The following CPED1 variants were observed in gnomAD, a reference collection of about 807,000 sequenced individuals.
CPED1 encodes cadherin-like and PC-esterase domain-containing protein 1.
Under a neutral mutation model 128.2 loss-of-function variants are expected in CPED1, and 114 were observed. The ratio of observed to expected loss-of-function variants is 0.89; its 90% confidence interval spans 0.76 to 1.04. The LOEUF is 1.04. Ranked by LOEUF, CPED1 falls within the 50% of genes least tolerant of loss-of-function variation. CPED1 has a pLI of 0.00. For missense variants in CPED1, 1,211 were observed against 1,207.1 expected (o/e 1.00, Z -0.05); for synonymous variants, 462 against 426.7 (o/e 1.08, Z -1.02).
intron 16 of CPED1, among the ~76,000 whole-genome samples, chr7:121,201,045 G>C (rs2116563423): frequency 6.6e-6 from 1 of 152,200 alleles, no homozygotes; most frequent in African/African-American, 2.4e-5. Context: ...ACATGTGTGG[G>C]TGTTTCTGCC....
chr7:121,086,498 A>C (rs1490049377), intron 5 of CPED1, among the ~76,000 whole-genome samples: 1 of 152,196 alleles, frequency 6.6e-6, no homozygotes, highest in Non-Finnish European at 1.5e-5. Context: ...AAGTATACAA[A>C]CTGGAAAGAA....
At chr7:121,172,211 C>T (rs189623832) in intron 16 of CPED1, among the ~76,000 whole-genome samples, 3 of 152,146 alleles carry the variant, frequency 2.0e-5, no homozygotes, top group African/African-American at 4.8e-5. Flanking sequence ...AGGTAGTAAT[C>T]GGTATCTTAT....
rs201719048 is a variant in CPED1, at chr7:121,223,925, A to AT, written c.2056-12779dup. 5.1e-3 allele frequency among the ~76,000 whole-genome samples: 753 copies of AT among 146,280 alleles called. 7 individuals carry two copies. The highest frequency in any genetic ancestry group is 0.015 in the African/African-American group (617 of 39,906). ...AAAAAAACAGCTTCTGGATTCATTG[A>AT]TTTTTTTTTTGAAGGAATTTTTGTG... On this transcript the variant is annotated intron_variant, in intron 16 of 22. Transcript: ENST00000310396.
At chr7:121,278,984 G>A (rs1335728797) in intron 22 of CPED1, among the ~76,000 whole-genome samples, 2 of 152,104 alleles carry the variant, frequency 1.3e-5, no homozygotes, top group Non-Finnish European at 2.9e-5. Flanking sequence ...AAACCCCCAT[G>A]TCAGGGAGTT....
intron 3 of CPED1, among the ~76,000 whole-genome samples, chr7:121,017,466 ATTTC>A (rs1407569848): frequency 1.3e-5 from 2 of 152,164 alleles, no homozygotes; most frequent in Non-Finnish European, 2.9e-5. Flanking sequence ...AATGTTTAAT[ATTTC>A]TTTCATTCAA....
At chr7:121,018,164 A>G (rs1419497479) in intron 3 of CPED1, among the ~76,000 whole-genome samples, 2 of 152,158 alleles carry the variant, frequency 1.3e-5, no homozygotes, top group Non-Finnish European at 2.9e-5. Context: ...AGTTGTGACT[A>G]TAATCTAACA....
rs1215029922 is a variant in CPED1 at position 121,244,150 on chromosome 7, C to A, written c.2174-52C>A. The A allele has an allele frequency of 2.9e-5, 46 of 1,611,160 alleles. No individual in the cohort carries two copies. In the East Asian group the frequency reaches 1.0e-3, roughly 36 times the overall value. On this transcript the variant is annotated intron_variant, in intron 17 of 22. Transcript: ENST00000310396. The stretch of plus-strand genomic sequence containing the variant: ...CATAGCTGAATTTTAAAGTTACTTA[C>A]AAACTTCACCAGCAGAAACAGAACC...
chr7:121,093,340 C>T (rs992160622), intron 5 of CPED1, among the ~76,000 whole-genome samples: 1 of 151,526 alleles, frequency 6.6e-6, no homozygotes, highest in Non-Finnish European at 1.5e-5. Flanking sequence ...CTATCCCTTG[C>T]TGCCACATCT....
In CPED1 at chr7:121,124,406, G is replaced by T; in HGVS notation, c.994G>T (p.Gly332Cys). ...QAFDIMKEAI[G>C]KLLLAAEVFS... ...TTTTGACATTATGAAGGAAGCAATT[G>T]GCAAACTACTGCTAGCGGCTGAAGT... Residue 332 changes from glycine to cysteine, a missense_variant, in exon 8 of 23, where the codon GGC becomes TGC. By Grantham distance (159) the Gly-to-Cys change is radical (BLOSUM62 -3). Transcript: ENST00000310396. 1 of 1,607,668 alleles carries T rather than the reference G, an allele frequency of 6.2e-7. No individual in the cohort carries two copies. Among genetic ancestry groups the T allele is most frequent in the Non-Finnish European group, 8.5e-7 (1 of 1,176,230 alleles).
At chr7:121,248,292 A>G (rs550422461) in intron 18 of CPED1, among the ~76,000 whole-genome samples, 1 of 152,280 alleles carries the variant, frequency 6.6e-6, no homozygotes, top group African/African-American at 2.4e-5. Flanking sequence ...AATGTGGCCT[A>G]TCTCCTTGCC....
At chr7:121,069,814 A>T (rs754618410) in intron 5 of CPED1, among the ~76,000 whole-genome samples, 2 of 152,186 alleles carry the variant, frequency 1.3e-5, no homozygotes. Flanking sequence ...AAAACAAAAC[A>T]TAAGAGAACT....
At chr7:121,196,917 A>G (rs1442273752) in intron 16 of CPED1, among the ~76,000 whole-genome samples, 1 of 152,038 alleles carries the variant, frequency 6.6e-6, no homozygotes, top group Middle Eastern at 3.2e-3. Flanking sequence ...AAAAAACACC[A>G]TTTGGTTGCC....
intron 3 of CPED1, among the ~76,000 whole-genome samples, chr7:121,016,660 TC>T (rs1792309453): frequency 6.6e-6 from 1 of 152,228 alleles, no homozygotes; most frequent in South Asian, 2.1e-4. Flanking sequence ...ACTCTCACTT[TC>T]TCTGCTCTGG....
intron 4 of CPED1, chr7:121,051,064 G>A: frequency 1.9e-6 from 1 of 531,304 alleles, no homozygotes; most frequent in East Asian, 5.2e-5. Context: ...GCAAACAAAA[G>A]GGAAAAGGAG....
chr7:121,007,210 TTGCGAAAC>T (rs1213111310), intron 2 of CPED1, among the ~76,000 whole-genome samples: 2 of 151,038 alleles, frequency 1.3e-5, no homozygotes, highest in East Asian at 3.9e-4. Context: ...GTTTGAAGCG[TTGCGAAAC>T]TGTTCAGGTT....
intron 16 of CPED1, among the ~76,000 whole-genome samples, chr7:121,191,903 G>A (rs1327481274): frequency 6.6e-6 from 1 of 152,060 alleles, no homozygotes; most frequent in Non-Finnish European, 1.5e-5. Context: ...TTTAATCAAA[G>A]TGTTGTTTGA....
intron 7 of CPED1, among the ~76,000 whole-genome samples, chr7:121,116,975 T>TACAC (rs1563031849): frequency 5.0e-4 from 72 of 144,886 alleles, no homozygotes; most frequent in African/African-American, 1.7e-3. Context: ...TATATATATA[T>TACAC]ATACACACAC....
intron 2 of CPED1, among the ~76,000 whole-genome samples, chr7:121,001,686 T>C (rs1188263812): frequency 6.6e-6 from 1 of 152,096 alleles, no homozygotes; most frequent in African/African-American, 2.4e-5. Context: ...CCGTGACCCA[T>C]TCAGCCTTTC....
Position 121,242,943 on chromosome 7 carries a change from A to G in CPED1, c.2174-1259A>G, listed in dbSNP as rs149546386. Among the ~76,000 whole-genome samples the G allele has an allele frequency of 5.9e-5, 9 of 152,260 alleles. No homozygotes were observed. The East Asian group carries it at 1.7e-3, about 29-fold the overall frequency. Reference sequence around the variant, plus strand: ...ATTTTATATTAATAACTATTTCCACATACACAAACACATTCACAATTCTAA... The same window carrying G: ...ATTTTATATTAATAACTATTTCCACGTACACAAACACATTCACAATTCTAA... On this transcript the variant is annotated intron_variant, in intron 17 of 22. Transcript: ENST00000310396.
Sources: gnomAD v4.1 joint callset for allele counts (sites outside exome capture counted in the v4.1 genomes callset) on GRCh38, gnomAD v4.1.1 for gene constraint, MANE v1.5 for transcripts, NCBI Gene and HGNC (gene_info 2026-07-23, HGNC 2026-07-21) for gene names.